RBFOX1: variants seen among roughly 807,000 people sequenced by gnomAD.
RBFOX1 encodes RNA binding fox-1 homolog 1, also known as RNA binding protein fox-1 homolog 1.
RBFOX1 carries 8 observed loss-of-function variants against 57.7 expected under a neutral mutation model. That is an observed-to-expected ratio of 0.14 (90% CI 0.08 to 0.25). RBFOX1 has a LOEUF of 0.25. Among genes scored for constraint, RBFOX1 ranks in the 10% least tolerant of loss-of-function variants. The pLI, the probability that RBFOX1 is intolerant of heterozygous loss-of-function variation, is 1.00. For missense variants in RBFOX1, 611 were observed against 548.5 expected, an observed-to-expected ratio of 1.11 and a Z score of -1.14; for synonymous variants, 326 against 222.4, an observed-to-expected ratio of 1.47 and a Z score of -4.15.
chr16:6,022,066 A>T (rs1270304375), intron 1 of RBFOX1, among the ~76,000 whole-genome samples: 3 of 152,262 alleles, frequency 2.0e-5, no homozygotes, highest in African/African-American at 7.2e-5. Flanking sequence ...TGCTCTCTGC[A>T]TGTTCCAAGG....
chr16:6,288,079 G>T (rs954591414), intron 1 of RBFOX1, among the ~76,000 whole-genome samples: 2 of 152,180 alleles, frequency 1.3e-5, no homozygotes, highest in Non-Finnish European at 2.9e-5. Context: ...TTTGTGACTT[G>T]ATGTAACTCT....
chr16:7,124,277 A>C (rs1333508716), intron 4 of RBFOX1, among the ~76,000 whole-genome samples: 1 of 152,048 alleles, frequency 6.6e-6, no homozygotes, highest in Non-Finnish European at 1.5e-5. Flanking sequence ...TGCCAGGTGT[A>C]GTGGTGTGTG....
intron 2 of RBFOX1, chr16:6,576,766 A>G (rs982217019): frequency 6.6e-6 from 1 of 152,200 alleles, no homozygotes; most frequent in African/African-American, 2.4e-5. Flanking sequence ...TGCTAGATAA[A>G]AGGAAGTTCC....
chr16:5,821,125 G>C (rs1450108194), intron 3 of RBFOX1, among the ~76,000 whole-genome samples: 1 of 152,052 alleles, frequency 6.6e-6, no homozygotes, highest in Non-Finnish European at 1.5e-5. Flanking sequence ...TCATTGCTCA[G>C]GCAGGACAAA....
At chr16:7,038,459 G>T (rs573426323) in intron 3 of RBFOX1, among the ~76,000 whole-genome samples, 1 of 152,214 alleles carries the variant, frequency 6.6e-6, no homozygotes, top group South Asian at 2.1e-4. Flanking sequence ...ATTAAATCTG[G>T]AGAATAAAAA....
intron 3 of RBFOX1, among the ~76,000 whole-genome samples, chr16:6,778,826 A>G (rs187966484): frequency 6.6e-6 from 1 of 152,108 alleles, no homozygotes; most frequent in East Asian, 1.9e-4. Context: ...AAACCTATCA[A>G]AACAATTTAA....
chr16:6,814,110 C>T (rs1012631283), intron 3 of RBFOX1, among the ~76,000 whole-genome samples: 2 of 152,076 alleles, frequency 1.3e-5, no homozygotes, highest in African/African-American at 4.8e-5. Flanking sequence ...TATTTAATAG[C>T]CCACATAGGG....
intron 3 of RBFOX1, among the ~76,000 whole-genome samples, chr16:6,711,629 T>G (rs1173341063): frequency 6.6e-6 from 1 of 152,176 alleles, no homozygotes; most frequent in Non-Finnish European, 1.5e-5. Context: ...ACCATGATTG[T>G]AAGTTTCTCG....
At chr16:7,304,044 C>T (rs113420304) in intron 4 of RBFOX1, among the ~76,000 whole-genome samples, 194 of 151,996 alleles carry the variant, frequency 1.3e-3, no homozygotes, top group African/African-American at 4.4e-3. Flanking sequence ...GCCAGACGAC[C>T]GCGCGAAGGG....
At position 6,302,760 on chromosome 16, in the gene RBFOX1, C is replaced by G. The variant is rs185425780; in HGVS notation, c.-126-14235C>G. On this transcript the variant is annotated intron_variant, in intron 1 of 15. Coordinates refer to ENST00000550418, the MANE Select transcript of RBFOX1 (RefSeq NM_018723.4). ...TGAGGCCCAGAGAGAGTTAAATAAC[C>G]TAATCAAGACCAAATGGCTGGTAAT... Among the ~76,000 whole-genome samples, 35 of 152,222 alleles carry G rather than the reference C, an allele frequency of 2.3e-4. No individual in the cohort carries two copies. The East Asian group carries it at 5.6e-3, about 24-fold the overall frequency.
intron 1 of RBFOX1, among the ~76,000 whole-genome samples, chr16:6,096,119 C>G (rs990378204): frequency 6.6e-6 from 1 of 152,166 alleles, no homozygotes; most frequent in East Asian, 1.9e-4. Context: ...TCATGGTAAA[C>G]GACCTTGTCA....
intron 2 of RBFOX1, among the ~76,000 whole-genome samples, chr16:5,468,477 C>T (rs1479576970): frequency 6.6e-6 from 1 of 152,046 alleles, no homozygotes; most frequent in African/African-American, 2.4e-5. Context: ...CTTCTTTTAC[C>T]AAGAAAACAG....
intron 4 of RBFOX1, among the ~76,000 whole-genome samples, chr16:7,195,186 G>A (rs1176020313): frequency 1.3e-5 from 2 of 152,146 alleles, no homozygotes; most frequent in African/African-American, 2.4e-5. Flanking sequence ...ATTAGGAGTT[G>A]GGGTGGACTC....
At chr16:7,318,414 C>T (rs763393674) in intron 4 of RBFOX1, among the ~76,000 whole-genome samples, 7 of 151,950 alleles carry the variant, frequency 4.6e-5, no homozygotes, top group Admixed American at 1.3e-4. Context: ...TTAGATGCAG[C>T]GTGGTAGAAT....
chr16:6,833,832 G>C (rs1004316047), intron 3 of RBFOX1, among the ~76,000 whole-genome samples: 1 of 152,272 alleles, frequency 6.6e-6, no homozygotes, highest in South Asian at 2.1e-4. Context: ...GATAGGAAGA[G>C]AGATGGAAAG....
At chr16:5,340,327 C>G (rs938866433) in intron 1 of RBFOX1, among the ~76,000 whole-genome samples, 1 of 152,152 alleles carries the variant, frequency 6.6e-6, no homozygotes, top group Non-Finnish European at 1.5e-5. Context: ...TATTTCCTCA[C>G]ATTAAGTTAG....
intron 2 of RBFOX1, among the ~76,000 whole-genome samples, chr16:5,511,084 A>G (rs992756039): frequency 9.2e-5 from 14 of 152,208 alleles, no homozygotes; most frequent in African/African-American, 3.1e-4. Context: ...GAAAAAAAAC[A>G]GTGTGGTTTG....
chr16:6,011,833 G>A (rs2094962959), intron 4 of RBFOX1, among the ~76,000 whole-genome samples: 1 of 152,122 alleles, frequency 6.6e-6, no homozygotes, highest in Non-Finnish European at 1.5e-5. Context: ...ATCAGGTCTG[G>A]GTTATCATGG....
chr16:7,284,318 T>C (rs2095606491), intron 4 of RBFOX1, among the ~76,000 whole-genome samples: 1 of 152,132 alleles, frequency 6.6e-6, no homozygotes, highest in African/African-American at 2.4e-5. Context: ...TTGAGAAGTA[T>C]GTTTATGTTT....
Sources: allele counts gnomAD v4.1 joint callset (sites outside exome capture counted in the v4.1 genomes callset), GRCh38; gene constraint gnomAD v4.1.1; transcripts MANE v1.5; gene names NCBI Gene and HGNC (gene_info 2026-07-23, HGNC 2026-07-21).